HS6ST3: variants seen among roughly 807,000 people sequenced by gnomAD.
HS6ST3 encodes heparan sulfate 6-O-sulfotransferase 3.
HS6ST3 carries 12 observed loss-of-function variants against 36.7 expected under a neutral mutation model. The observed-to-expected ratio is 0.33, with a 90% CI of 0.21 to 0.53. HS6ST3 has a LOEUF of 0.53. Ranked by LOEUF, HS6ST3 falls within the 20% of genes least tolerant of loss-of-function variation. HS6ST3 has a pLI of 0.95. For missense variants in HS6ST3, 584 were observed against 640.9 expected, an observed-to-expected ratio of 0.91 and a Z score of 0.96; for synonymous variants, 240 against 257.5, an observed-to-expected ratio of 0.93 and a Z score of 0.65.
At chr13:96,218,204 T>G (rs1252991417) in intron 1 of HS6ST3, among the ~76,000 whole-genome samples, 3 of 152,156 alleles carry the variant, frequency 2.0e-5, no homozygotes, top group African/African-American at 7.2e-5. Flanking sequence ...AGTGGGTGGC[T>G]ACTGAAACCA....
At chr13:96,342,157 G>C (rs745893465) in intron 1 of HS6ST3, among the ~76,000 whole-genome samples, 1 of 151,960 alleles carries the variant, frequency 6.6e-6, no homozygotes, top group African/African-American at 2.4e-5. Context: ...AGAACTCATT[G>C]ATTTAAATTT....
chr13:96,548,224 C>T (rs945709839), intron 1 of HS6ST3, among the ~76,000 whole-genome samples: 2 of 152,062 alleles, frequency 1.3e-5, no homozygotes, highest in Non-Finnish European at 1.5e-5. Flanking sequence ...GATGACCAAA[C>T]CTGGACCTCC....
chr13:96,606,627 G>A, intron 1 of HS6ST3, among the ~76,000 whole-genome samples: 1 of 124,874 alleles, frequency 8.0e-6, no homozygotes, highest in Non-Finnish European at 1.7e-5. Context: ...GGGAGGGAGG[G>A]AGGGAGGGAG....
At chr13:96,662,080 T>C (rs1221211621) in intron 1 of HS6ST3, among the ~76,000 whole-genome samples, 1 of 152,216 alleles carries the variant, frequency 6.6e-6, no homozygotes, top group Non-Finnish European at 1.5e-5. Context: ...GCCTTGGTGA[T>C]GTGCATCTTG....
At chr13:96,324,634 A>G (rs866215842) in intron 1 of HS6ST3, among the ~76,000 whole-genome samples, 4 of 152,342 alleles carry the variant, frequency 2.6e-5, no homozygotes, top group Middle Eastern at 6.8e-3. Context: ...TCAGATTAAG[A>G]TGAGGTCATT....
At chr13:96,460,712 G>A (rs1887603) in intron 1 of HS6ST3, among the ~76,000 whole-genome samples, 18 of 152,282 alleles carry the variant, frequency 1.2e-4, no homozygotes, top group Middle Eastern at 3.4e-3. Flanking sequence ...AGATAACAGA[G>A]GCTTTAAGAA....
chr13:96,442,593 T>C (rs1270108243), intron 1 of HS6ST3, among the ~76,000 whole-genome samples: 2 of 151,974 alleles, frequency 1.3e-5, no homozygotes, highest in Non-Finnish European at 2.9e-5. Flanking sequence ...AAAATGAGGA[T>C]GAGAATTTAA....
At chr13:96,438,308 T>C (rs866242069) in intron 1 of HS6ST3, among the ~76,000 whole-genome samples, 4 of 152,246 alleles carry the variant, frequency 2.6e-5, no homozygotes, top group African/African-American at 9.6e-5. Flanking sequence ...GCACAAATTT[T>C]AACCATATTC....
At chr13:96,590,742 G>A (rs72642783) in intron 1 of HS6ST3, among the ~76,000 whole-genome samples, 11,628 of 152,106 alleles carry the variant, frequency 0.076, 522 homozygotes, top group East Asian at 0.13. Context: ...TACTTGTGGG[G>A]TATTACTCAA....
rs2138553587 is a variant in HS6ST3, at chr13:96,835,865, A to T, written c.*2667A>T. The T allele has an allele frequency of 6.6e-6, 1 of 152,304 alleles. No homozygotes were observed. The highest frequency in any genetic ancestry group is 6.5e-5 in the Admixed American group (1 of 15,294). 9.4% of individuals were successfully genotyped at this position (152,304 alleles called of 1,614,324 possible). Reference sequence around the variant, plus strand: ...TATGCGGCTCCACTTGAGACCAGGTATCAGGATGTTCAGAGGGAGCCAGCT... The same window carrying T: ...TATGCGGCTCCACTTGAGACCAGGTTTCAGGATGTTCAGAGGGAGCCAGCT... On this transcript the variant is annotated 3_prime_UTR_variant, in exon 2 of 2. Coordinates refer to ENST00000376705, the MANE Select transcript of HS6ST3 (RefSeq NM_153456.4).
intron 1 of HS6ST3, among the ~76,000 whole-genome samples, chr13:96,318,536 AAAAC>A (rs1171483450): frequency 4.1e-4 from 1 of 2,434 alleles, no homozygotes; most frequent in African/African-American, 6.7e-3. Flanking sequence ...CCTTCTCAAA[AAAAC>A]AAAACAAAAC....
At chr13:96,246,170 A>G (rs2054584213) in intron 1 of HS6ST3, among the ~76,000 whole-genome samples, 1 of 152,124 alleles carries the variant, frequency 6.6e-6, no homozygotes, top group South Asian at 2.1e-4. Flanking sequence ...GGAGAGCCAT[A>G]TCTGTAAAAA....
At chr13:96,187,111 TACTG>T (rs2054268473) in intron 1 of HS6ST3, among the ~76,000 whole-genome samples, 1 of 152,210 alleles carries the variant, frequency 6.6e-6, no homozygotes, top group African/African-American at 2.4e-5. Flanking sequence ...TCTACTTTGG[TACTG>T]GCAGGGCTGC....
At chr13:96,406,521 A>G (rs934178761) in intron 1 of HS6ST3, among the ~76,000 whole-genome samples, 1 of 152,224 alleles carries the variant, frequency 6.6e-6, no homozygotes, top group Non-Finnish European at 1.5e-5. Context: ...AGAATGTTTT[A>G]GCTATCATTT....
intron 1 of HS6ST3, among the ~76,000 whole-genome samples, chr13:96,376,128 A>G (rs1296134265): frequency 6.6e-6 from 1 of 152,194 alleles, no homozygotes; most frequent in Non-Finnish European, 1.5e-5. Flanking sequence ...GTAAGAGCAG[A>G]TGGAGTTAAA....
chr13:96,406,142 C>T (rs142146528), intron 1 of HS6ST3, among the ~76,000 whole-genome samples: 109 of 152,236 alleles, frequency 7.2e-4, no homozygotes, highest in Middle Eastern at 3.4e-3. Context: ...TGGATTAGTT[C>T]GGTTTAATTA....
chr13:96,706,608 C>T (rs948657736), intron 1 of HS6ST3, among the ~76,000 whole-genome samples: 2 of 151,358 alleles, frequency 1.3e-5, no homozygotes, highest in Non-Finnish European at 2.9e-5. Flanking sequence ...TGAGAGGGTA[C>T]CTATGAGTTT....
chr13:96,355,201 C>T (rs1357491714), intron 1 of HS6ST3, among the ~76,000 whole-genome samples: 3 of 152,094 alleles, frequency 2.0e-5, no homozygotes, highest in Non-Finnish European at 2.9e-5. Flanking sequence ...GGAAAGGACT[C>T]ATCACTCTCA....
chr13:96,502,840 T>C (rs2056010744), intron 1 of HS6ST3, among the ~76,000 whole-genome samples: 1 of 152,150 alleles, frequency 6.6e-6, no homozygotes, highest in Non-Finnish European at 1.5e-5. Context: ...TGAATACCAA[T>C]GAGAACCCAA....
Sources: gnomAD v4.1 joint callset for allele counts (sites outside exome capture counted in the v4.1 genomes callset) on GRCh38, gnomAD v4.1.1 for gene constraint, MANE v1.5 for transcripts, NCBI Gene and HGNC (gene_info 2026-07-23, HGNC 2026-07-21) for gene names.